Variants in BCAT1 observed in about 807,000 individuals in gnomAD.
The protein encoded by BCAT1 is branched-chain-amino-acid aminotransferase, cytosolic.
A neutral mutation model predicts 52.4 loss-of-function variants in BCAT1; 48 were observed. The ratio of observed to expected loss-of-function variants is 0.92; its 90% CI spans 0.73 to 1.16. The LOEUF (loss-of-function observed/expected upper bound fraction) is 1.16. Among genes scored for constraint, BCAT1 ranks in the 50% most tolerant of loss-of-function variants. BCAT1 has a pLI of 0.00. For missense variants in BCAT1, 451 were observed against 457.1 expected (o/e 0.99, Z 0.12); for synonymous variants, 167 against 161.3 (o/e 1.04, Z -0.27).
intron 1 of BCAT1, chr12:24,902,375 C>T (rs765437043): frequency 4.3e-6 from 5 of 1,161,330 alleles, no homozygotes; most frequent in Non-Finnish European, 5.3e-6. Flanking sequence ...TCCTCCGATG[C>T]CGCAGCATCC....
intron 2 of BCAT1, among the ~76,000 whole-genome samples, chr12:24,900,369 C>G: frequency 6.6e-6 from 1 of 152,140 alleles, no homozygotes; most frequent in East Asian, 1.9e-4. Context: ...GAGGGTTGCA[C>G]AAGCCCAGGA....
intron 1 of BCAT1, among the ~76,000 whole-genome samples, chr12:24,936,712 A>ATCTCTCTCTC (rs112458468): frequency 8.9e-6 from 1 of 111,996 alleles, no homozygotes. Flanking sequence ...TTAAATCTCA[A>ATCTCTCTCTC]TCTCTCTCTC....
Position 24,829,019 on chromosome 12 carries a change from GTAAATAAATAAATAAATAAATAAA to G in BCAT1, c.1119+780_1119+803del, listed in dbSNP as rs113337097. Reference sequence around the variant, plus strand: ...GAGACTTAGTCTCAAAAATAAATAAGTAAATAAATAAATAAATAAATAAATAAATAAATAAAGTATATAAATGCT... The same window carrying G: ...GAGACTTAGTCTCAAAAATAAATAAGTAAATAAATAAAGTATATAAATGCT... On this transcript the variant is annotated intron_variant, in intron 10 of 10. Coordinates refer to ENST00000261192, the MANE Select transcript of BCAT1 (RefSeq NM_005504.7). Among the ~76,000 whole-genome samples, 8 of 150,900 alleles carry G rather than the reference GTAAATAAATAAATAAATAAATAAA, an allele frequency of 5.3e-5. No homozygotes were observed. The South Asian group carries it at 8.4e-4, about 16-fold the overall frequency.
chr12:24,926,746 A>G (rs1489399864), intron 1 of BCAT1, among the ~76,000 whole-genome samples: 1 of 152,198 alleles, frequency 6.6e-6, no homozygotes, highest in Non-Finnish European at 1.5e-5. Flanking sequence ...TGTTAAACAG[A>G]TGCTTGAAGG....
At chr12:24,845,701 T>C (rs868071500) in intron 6 of BCAT1, among the ~76,000 whole-genome samples, 22 of 152,102 alleles carry the variant, frequency 1.4e-4, no homozygotes, top group Non-Finnish European at 2.2e-4. Flanking sequence ...ATAATAACAA[T>C]AAAAGCCAAA....
intron 5 of BCAT1, among the ~76,000 whole-genome samples, chr12:24,874,806 A>T (rs1942280976): frequency 6.6e-6 from 1 of 152,352 alleles, no homozygotes; most frequent in Middle Eastern, 3.4e-3. Context: ...TTCTATAAAC[A>T]CAGCAACTAC....
intron 3 of BCAT1, among the ~76,000 whole-genome samples, chr12:24,887,061 TA>T (rs1171691492): frequency 1.4e-3 from 11 of 7,588 alleles, no homozygotes; most frequent in African/African-American, 7.0e-3. Flanking sequence ...AGATGCTAGC[TA>T]AAAAAAAAAA....
intron 5 of BCAT1, among the ~76,000 whole-genome samples, chr12:24,866,984 A>G (rs1029194356): frequency 1.5e-4 from 23 of 152,116 alleles, no homozygotes; most frequent in Admixed American, 1.2e-3. Flanking sequence ...TTGGGTCCAC[A>G]CTGCCTTTAT....
chr12:24,916,828 C>T (rs543300006), intron 1 of BCAT1, among the ~76,000 whole-genome samples: 12 of 152,160 alleles, frequency 7.9e-5, no homozygotes, highest in African/African-American at 2.4e-4. Flanking sequence ...CATGAGCCAC[C>T]ATGCACAGCC....
chr12:24,881,532 C>A, intron 3 of BCAT1, 121 bp from the exon 4 acceptor site: 1 of 620,396 alleles, frequency 1.6e-6, no homozygotes. Context: ...ACATTGACCT[C>A]AACTTGAGAT....
At position 24,899,214 on chromosome 12, in the gene BCAT1, A is replaced by G. The variant is rs557260918; in HGVS notation, c.78+2600T>C. Among the ~76,000 whole-genome samples the G allele has an allele frequency of 1.3e-4, 20 of 152,366 alleles. No individual in the cohort carries two copies. In the South Asian group the frequency reaches 2.1e-3, roughly 16 times the overall value. On this transcript the variant is annotated intron_variant, in intron 2 of 10. Coordinates refer to ENST00000261192, the MANE Select transcript of BCAT1 (RefSeq NM_005504.7). Reference sequence around the variant, plus strand: ...CTGCAAAACTGCATCCTCATGTAATATGACTGCATCATAAATGGGGAGGGG... The same window carrying G: ...CTGCAAAACTGCATCCTCATGTAATGTGACTGCATCATAAATGGGGAGGGG...
intron 10 of BCAT1, among the ~76,000 whole-genome samples, chr12:24,825,742 C>T (rs1397683822): frequency 6.6e-6 from 1 of 152,042 alleles, no homozygotes; most frequent in Non-Finnish European, 1.5e-5. Context: ...TCCTTATAGA[C>T]TCTGGTTATT....
At chr12:24,848,559 A>G (rs987591760) in intron 6 of BCAT1, among the ~76,000 whole-genome samples, 5 of 152,238 alleles carry the variant, frequency 3.3e-5, no homozygotes, top group Non-Finnish European at 7.3e-5. Context: ...CTAGAAAGCA[A>G]TATTTTAAAC....
chr12:24,838,963 G>A lies in BCAT1; in HGVS notation c.818-2367C>T, dbSNP rs114541720. On this transcript the variant is annotated intron_variant, in intron 7 of 10. Coordinates refer to ENST00000261192, the MANE Select transcript of BCAT1 (RefSeq NM_005504.7). ...AAACCAGGAATGTAGGTCTGCATAA[G>A]TGCCCTAAACACCATCAGCACAATT... Among the ~76,000 whole-genome samples the A allele has an allele frequency of 7.5e-3, 1,149 of 152,300 alleles. 8 individuals carry two copies. Among genetic ancestry groups the A allele is most frequent in the African/African-American group, 0.027 (1,113 of 41,558 alleles).
chr12:24,862,714 C>G (rs1941880469), intron 5 of BCAT1, among the ~76,000 whole-genome samples: 1 of 152,004 alleles, frequency 6.6e-6, no homozygotes, highest in South Asian at 2.1e-4. Context: ...TCTCTTTTCC[C>G]CTCTCTCTCC....
chr12:24,821,493 A>T (rs1009929737), intron 10 of BCAT1, among the ~76,000 whole-genome samples: 2 of 152,194 alleles, frequency 1.3e-5, no homozygotes, highest in Admixed American at 6.5e-5. Flanking sequence ...CATGTATCTC[A>T]TTTTGAAAAA....
At chr12:24,928,042 A>G (rs981674213) in intron 1 of BCAT1, among the ~76,000 whole-genome samples, 8 of 152,220 alleles carry the variant, frequency 5.3e-5, no homozygotes, top group African/African-American at 1.9e-4. Context: ...CTGAGCAGCC[A>G]CCACCACCAG....
intron 1 of BCAT1, among the ~76,000 whole-genome samples, chr12:24,941,702 G>C (rs2139761935): frequency 6.6e-6 from 1 of 152,290 alleles, no homozygotes; most frequent in Middle Eastern, 3.4e-3. Flanking sequence ...AAGGTAAAAA[G>C]CACAGTCGAA....
intron 10 of BCAT1, among the ~76,000 whole-genome samples, chr12:24,829,399 A>G (rs907843147): frequency 2.6e-5 from 4 of 152,232 alleles, no homozygotes; most frequent in Non-Finnish European, 4.4e-5. Context: ...ATAAAAAGAC[A>G]TAAAAAATTA....
Sources: gnomAD v4.1 joint callset for allele counts (sites outside exome capture counted in the v4.1 genomes callset) on GRCh38, gnomAD v4.1.1 for gene constraint, MANE v1.5 for transcripts, NCBI Gene and HGNC (gene_info 2026-07-23, HGNC 2026-07-21) for gene names.